The following ADH1C variants were observed in gnomAD, a reference collection of about 807,000 sequenced individuals.
ADH1C encodes alcohol dehydrogenase 1C.
A neutral mutation model predicts 35.0 loss-of-function variants in ADH1C; 26 were observed. The observed-to-expected ratio is 0.74, with a 90% CI of 0.54 to 1.03. The LOEUF (loss-of-function observed/expected upper bound fraction) is 1.03, where lower values mean the gene tolerates loss of function less well. Among genes scored for constraint, ADH1C ranks in the 50% least tolerant of loss-of-function variants. ADH1C has a pLI of 0.00. For synonymous variants in ADH1C, 170 were observed against 169.3 expected (o/e 1.00, Z -0.03); for missense variants, 413 against 465.4 (o/e 0.89, Z 1.04).
At chr4:99,347,608 C>A in intron 2 of ADH1C, 137 bp downstream of exon 2, 1 of 894,888 alleles carries the variant, frequency 1.1e-6, no homozygotes, top group Non-Finnish European at 1.6e-6. Flanking sequence ...TTTATACTTT[C>A]CTTGACAACA....
chr4:99,339,545 A>G, intron 8 of ADH1C, 32 bp downstream of exon 8: 1 of 1,419,208 alleles, frequency 7.0e-7, no homozygotes, highest in Non-Finnish European at 9.5e-7. Context: ...TGTAGAATAC[A>G]AAGCAAAACA....
At chr4:99,336,880 G>T in intron 8 of ADH1C, 104 bp from the exon 9 acceptor site, 1 of 1,510,958 alleles carries the variant, frequency 6.6e-7, no homozygotes, top group Non-Finnish European at 9.1e-7. Flanking sequence ...AAATCTCTCT[G>T]TGTTCTCAGC....
intron 1 of ADH1C, chr4:99,351,147 AC>A (rs1734668471): frequency 6.6e-6 from 1 of 152,192 alleles, no homozygotes; most frequent in Non-Finnish European, 1.5e-5. Context: ...AAACAAAAAA[AC>A]GAATGAAAAA....
chr4:99,347,868 T>C (rs769299356), intron 1 of ADH1C, 22 bp from the exon 2 acceptor site: 2 of 1,612,532 alleles, frequency 1.2e-6, no homozygotes, highest in East Asian at 2.2e-5. Context: ...GACAGAGAGA[T>C]GGTACCAGTG....
chr4:99,341,234 TC>T (rs1734407636), intron 6 of ADH1C, among the ~76,000 whole-genome samples: 1 of 152,194 alleles, frequency 6.6e-6, no homozygotes, highest in South Asian at 2.1e-4. Flanking sequence ...TGTTTTTACC[TC>T]CCCAAATGTA....
intron 4 of ADH1C, 35 bp downstream of exon 4, chr4:99,345,144 T>C: frequency 3.1e-6 from 5 of 1,613,816 alleles, no homozygotes; most frequent in Non-Finnish European, 4.2e-6. Flanking sequence ...ATGTGCAAAC[T>C]CAAAGTCTGT....
At position 99,347,085 on chromosome 4, in the gene ADH1C, G is replaced by A; in HGVS notation, c.180C>T (p.Thr60=). The part of the protein sequence containing the change: ...DEHVVSGNLV[T]PLPVILGHEA... Reference sequence around the variant, plus strand: ...CATGGCCTAAAATCACAGGAAGGGGGGTCACCAGGTTGCCACTAACCACAT... The same window carrying A: ...CATGGCCTAAAATCACAGGAAGGGGAGTCACCAGGTTGCCACTAACCACAT... Residue 60 remains threonine, a synonymous_variant, in exon 3 of 9, where the codon ACC becomes ACT. Transcript: ENST00000515683. 6.2e-7 allele frequency: 1 copy of A among 1,614,026 alleles called. No individual in the cohort carries two copies. Among genetic ancestry groups the A allele is most frequent in the Non-Finnish European group, 8.5e-7 (1 of 1,179,992 alleles).
intron 8 of ADH1C, among the ~76,000 whole-genome samples, chr4:99,339,005 G>T (rs1734350509): frequency 6.6e-6 from 1 of 151,728 alleles, no homozygotes; most frequent in African/African-American, 2.4e-5. Context: ...TTAAAATAGG[G>T]TTTAGTACCC....
rs762790389 is a variant in ADH1C, at chr4:99,345,179, TC to T, written c.346del (p.Asp116IlefsTer2). Reference sequence around the variant, plus strand: ...TGCAAAGAAAGCATCAGAAACTTACTCATTTTTCAAGCAGTAGTTGCTTTCT... The same window carrying T: ...TGCAAAGAAAGCATCAGAAACTTACTATTTTTCAAGCAGTAGTTGCTTTCT... ...NPESNYCLKN[D>X]LGNPRGTLQD... On this transcript the variant is annotated frameshift_variant and splice_region_variant, in exon 4 of 9. Coordinates refer to ENST00000515683, the MANE Select transcript of ADH1C (RefSeq NM_000669.5). LOFTEE classifies it high-confidence loss of function. 2 of 1,613,830 alleles carry T rather than the reference TC, an allele frequency of 1.2e-6. No individual in the cohort carries two copies. Among genetic ancestry groups the T allele is most frequent in the African/African-American group, 2.7e-5 (2 of 74,936 alleles).
chr4:99,337,459 C>T (rs1734303294), intron 8 of ADH1C, among the ~76,000 whole-genome samples: 1 of 152,072 alleles, frequency 6.6e-6, no homozygotes, highest in South Asian at 2.1e-4. Context: ...TGTATTAATT[C>T]TAAGCTACTT....
At chr4:99,336,912 C>T in intron 8 of ADH1C, 136 bp from the exon 9 acceptor site, 1 of 1,239,602 alleles carries the variant, frequency 8.1e-7, no homozygotes, top group East Asian at 2.5e-5. Flanking sequence ...CATCCCTATG[C>T]ATTTGGGTCA....
intron 8 of ADH1C, among the ~76,000 whole-genome samples, 199 bp from the exon 9 acceptor site, chr4:99,336,975 A>G (rs767377541): frequency 3.9e-5 from 6 of 152,098 alleles, no homozygotes; most frequent in African/African-American, 1.2e-4. Flanking sequence ...GTTTTCTTCA[A>G]TCTTAAGCTC....
intron 1 of ADH1C, chr4:99,351,169 C>T (rs1399634483): frequency 1.3e-5 from 2 of 152,092 alleles, no homozygotes; most frequent in Non-Finnish European, 2.9e-5. Context: ...ATTAATGTAG[C>T]CTCACGTTTT....
chr4:99,347,050 C>T lies in ADH1C; in HGVS notation c.215G>A (p.Gly72Asp), dbSNP rs1257068723. 1.2e-6 allele frequency: 2 copies of T among 1,613,970 alleles called. No individual in the cohort carries two copies. Among genetic ancestry groups the T allele is most frequent in the Non-Finnish European group, 1.7e-6 (2 of 1,180,028 alleles). ...LPVILGHEAAGIVESVGEGVT... is the reference protein window; with the variant it reads ...LPVILGHEAADIVESVGEGVT... ...CCCTTCTCCAACACTTTCCACGATG[C>T]CGGCTGCCTCATGGCCTAAAATCAC... Residue 72 changes from glycine (G) to aspartate (D), a missense_variant, in exon 3 of 9, where the codon GGC becomes GAC. Physicochemically the swap from Gly to Asp is moderately conservative, Grantham distance 94. Coordinates refer to ENST00000515683, the MANE Select transcript of ADH1C (RefSeq NM_000669.5).
At chr4:99,342,271 T>C (rs1353363053) in intron 6 of ADH1C, among the ~76,000 whole-genome samples, 2 of 152,172 alleles carry the variant, frequency 1.3e-5, no homozygotes, top group African/African-American at 2.4e-5. Context: ...GTTGCTGTGA[T>C]AAAATATAGC....
chr4:99,339,407 G>T (rs1483606469), intron 8 of ADH1C, among the ~76,000 whole-genome samples, 170 bp downstream of exon 8: 2 of 151,862 alleles, frequency 1.3e-5, no homozygotes, highest in African/African-American at 4.8e-5. Flanking sequence ...GCTTCTCACA[G>T]TATTACCTTA....
intron 3 of ADH1C, among the ~76,000 whole-genome samples, chr4:99,345,762 TAG>T (rs753814952): frequency 1.3e-5 from 2 of 152,178 alleles, no homozygotes; most frequent in Non-Finnish European, 2.9e-5. Context: ...TCAAAGAGAC[TAG>T]GTTTATCTTA....
rs552125685 is a variant in ADH1C at position 99,336,672 on chromosome 4, G to T, written c.*80C>A. On this transcript the variant is annotated 3_prime_UTR_variant, in exon 9 of 9. Coordinates refer to ENST00000515683, the MANE Select transcript of ADH1C (RefSeq NM_000669.5). Reference sequence around the variant, plus strand: ...AACATCTCTGAAGAGCAGAATTAATGATATTTCCTAGCTGTTGCTCCAGAT... The same window carrying T: ...AACATCTCTGAAGAGCAGAATTAATTATATTTCCTAGCTGTTGCTCCAGAT... 200 of 1,516,920 alleles carry T rather than the reference G, an allele frequency of 1.3e-4. No individual in the cohort carries two copies. Among genetic ancestry groups the T allele is most frequent in the Non-Finnish European group, 1.6e-4 (174 of 1,092,844 alleles). 94.0% of individuals were successfully genotyped at this position (1,516,920 alleles called of 1,614,324 possible).
chr4:99,340,549 T>A (rs1455839666), intron 7 of ADH1C, 26 bp downstream of exon 7: 7 of 1,613,126 alleles, frequency 4.3e-6, no homozygotes, highest in Non-Finnish European at 5.9e-6. Context: ...TTAATGAGAA[T>A]TTGGCTCTGA....
Sources: allele counts gnomAD v4.1 joint callset (sites outside exome capture counted in the v4.1 genomes callset), GRCh38; gene constraint gnomAD v4.1.1; transcripts MANE v1.5; gene names NCBI Gene and HGNC (gene_info 2026-07-23, HGNC 2026-07-21).